SGCD: variants seen among roughly 807,000 people sequenced by gnomAD.
The protein encoded by SGCD is sarcoglycan delta.
Under a neutral mutation model 36.6 loss-of-function variants are expected in SGCD, and 18 were observed. The observed-to-expected ratio is 0.49, with a 90% CI of 0.34 to 0.73. SGCD has a LOEUF of 0.73. Ranked by LOEUF, SGCD falls within the 30% of genes least tolerant of loss-of-function variation. The pLI is 0.01. For synonymous variants in SGCD, 133 were observed against 130.6 expected (o/e 1.02, Z -0.12); for missense variants, 387 against 346.7 (o/e 1.12, Z -0.92).
chr5:156,280,067 G>T (rs935448381), intron 3 of SGCD, among the ~76,000 whole-genome samples: 3 of 151,970 alleles, frequency 2.0e-5, no homozygotes, highest in Non-Finnish European at 2.9e-5. Context: ...TACTATGGAT[G>T]CATTGTCTAG....
chr5:156,521,235 C>G (rs1166890234), intron 4 of SGCD, among the ~76,000 whole-genome samples: 1 of 151,982 alleles, frequency 6.6e-6, no homozygotes, highest in East Asian at 1.9e-4. Context: ...TGTAAAACCC[C>G]AAACCACAAA....
the SGCD span, among the ~76,000 whole-genome samples, chr5:155,771,069 G>A: frequency 1.4e-5 from 2 of 143,244 alleles, no homozygotes; most frequent in Non-Finnish European, 3.1e-5. Context: ...AAAAGTATAT[G>A]TATTTGTAGT....
At chr5:156,229,739 G>T (rs1022857037) in intron 3 of SGCD, among the ~76,000 whole-genome samples, 3 of 151,972 alleles carry the variant, frequency 2.0e-5, no homozygotes, top group African/African-American at 4.8e-5. Context: ...TTCCTTGATT[G>T]TTCCCCCAAA....
chr5:156,227,545 G>T (rs190729769), intron 3 of SGCD, among the ~76,000 whole-genome samples: 28 of 151,880 alleles, frequency 1.8e-4, no homozygotes, highest in African/African-American at 6.5e-4. Context: ...GATGCCTCTA[G>T]ATTTGTTCTT....
intron 3 of SGCD, among the ~76,000 whole-genome samples, chr5:156,275,404 T>C (rs773325573): frequency 2.0e-5 from 3 of 152,212 alleles, no homozygotes; most frequent in Non-Finnish European, 2.9e-5. Flanking sequence ...ATAAAATATG[T>C]ATGTAACTTA....
At chr5:156,187,713 G>C (rs1441009621) in intron 3 of SGCD, among the ~76,000 whole-genome samples, 1 of 152,106 alleles carries the variant, frequency 6.6e-6, no homozygotes, top group African/African-American at 2.4e-5. Flanking sequence ...GGGAGAAGAG[G>C]GGAAAGCTAA....
chr5:155,846,117 T>G, the SGCD span, among the ~76,000 whole-genome samples: 1 of 152,198 alleles, frequency 6.6e-6, no homozygotes, highest in Non-Finnish European at 1.5e-5. Flanking sequence ...AAAAAATGAC[T>G]AGAACTTTCT....
intron 3 of SGCD, among the ~76,000 whole-genome samples, chr5:156,179,092 C>G (rs1763542412): frequency 6.6e-6 from 1 of 152,160 alleles, no homozygotes; most frequent in Non-Finnish European, 1.5e-5. Flanking sequence ...CTGCTTTCAT[C>G]ATTGCTTCCT....
chr5:155,945,541 G>C (rs1757421366), intron 1 of SGCD, among the ~76,000 whole-genome samples: 1 of 152,206 alleles, frequency 6.6e-6, no homozygotes, highest in South Asian at 2.1e-4. Flanking sequence ...GAGGAGCTGT[G>C]AAAGCATTTG....
chr5:156,479,067 T>A lies in SGCD; in HGVS notation c.193-29534T>A, dbSNP rs183633224. Among the ~76,000 whole-genome samples, 18 of 152,234 alleles carry A rather than the reference T, an allele frequency of 1.2e-4. No individual in the cohort carries two copies. In the East Asian group the frequency reaches 2.9e-3, roughly 25 times the overall value. ...ATTTAACATTAAGACACTTTTAGAT[T>A]AAAAAATATAATTCAAGATTCTTTA... On this transcript the variant is annotated intron_variant, in intron 3 of 8. Transcript: ENST00000337851.
At chr5:156,472,116 G>A (rs1338137875) in intron 3 of SGCD, among the ~76,000 whole-genome samples, 1 of 152,148 alleles carries the variant, frequency 6.6e-6, no homozygotes, top group Non-Finnish European at 1.5e-5. Context: ...ACCAAGTGTT[G>A]AGGATATGAA....
intron 6 of SGCD, among the ~76,000 whole-genome samples, chr5:156,595,571 A>G (rs1760894075): frequency 6.6e-6 from 1 of 152,158 alleles, no homozygotes; most frequent in Non-Finnish European, 1.5e-5. Context: ...GAAATTTCTC[A>G]AGCTGTCAAG....
chr5:155,871,239 A>G (rs571841599), intron 1 of SGCD, among the ~76,000 whole-genome samples: 9 of 152,234 alleles, frequency 5.9e-5, no homozygotes, highest in Non-Finnish European at 1.0e-4. Flanking sequence ...TTTGGATCAA[A>G]AGGATTTTAA....
At chr5:156,494,242 C>A (rs1266579384) in intron 3 of SGCD, among the ~76,000 whole-genome samples, 3 of 151,966 alleles carry the variant, frequency 2.0e-5, no homozygotes, top group African/African-American at 4.8e-5. Context: ...CTGTTAGTAC[C>A]TTTTCACACA....
intron 3 of SGCD, among the ~76,000 whole-genome samples, chr5:156,242,660 C>T (rs899017484): frequency 6.7e-6 from 1 of 148,160 alleles, no homozygotes; most frequent in Non-Finnish European, 1.5e-5. Context: ...ACTTTTTAAT[C>T]AAAATAAAAC....
chr5:156,074,649 A>T (rs1423686715), intron 1 of SGCD, among the ~76,000 whole-genome samples: 1 of 152,142 alleles, frequency 6.6e-6, no homozygotes, highest in Non-Finnish European at 1.5e-5. Context: ...CACTGCACTC[A>T]AGCCCGGGCA....
intron 1 of SGCD, among the ~76,000 whole-genome samples, chr5:155,968,471 A>G (rs891357519): frequency 2.0e-5 from 3 of 152,138 alleles, no homozygotes; most frequent in African/African-American, 7.2e-5. Flanking sequence ...AGAGTACAAT[A>G]AAATATTTTG....
intron 4 of SGCD, among the ~76,000 whole-genome samples, chr5:156,567,811 C>T (rs1759559385): frequency 6.6e-6 from 1 of 152,108 alleles, no homozygotes; most frequent in African/African-American, 2.4e-5. Context: ...AAAAGTTGAA[C>T]AAAGCAACCC....
intron 6 of SGCD, among the ~76,000 whole-genome samples, chr5:156,618,010 A>T (rs1161399802): frequency 6.6e-6 from 1 of 152,226 alleles, no homozygotes; most frequent in African/African-American, 2.4e-5. Context: ...TTCAGGTTCT[A>T]AATAAACAGT....
Sources: gnomAD v4.1 joint callset for allele counts (sites outside exome capture counted in the v4.1 genomes callset) on GRCh38, gnomAD v4.1.1 for gene constraint, MANE v1.5 for transcripts, NCBI Gene and HGNC (gene_info 2026-07-23, HGNC 2026-07-21) for gene names.